The following ADAMTS9 variants were observed in gnomAD, a reference collection of about 807,000 sequenced individuals.
The protein encoded by ADAMTS9 is ADAM metallopeptidase with thrombospondin type 1 motif 9, also known as A disintegrin and metalloproteinase with thrombospondin motifs 9.
Under a neutral mutation model 257.1 loss-of-function variants are expected in ADAMTS9, and 107 were observed. The observed-to-expected ratio is 0.42, with a 90% CI of 0.36 to 0.49. ADAMTS9 has a LOEUF of 0.49. ADAMTS9 is among the 20% of genes least tolerant of loss of function. ADAMTS9 has a pLI of 0.03. For synonymous variants in ADAMTS9, 982 were observed against 880.9 expected, an observed-to-expected ratio of 1.11 and a Z score of -2.03; for missense variants, 2,353 against 2,469.1, an observed-to-expected ratio of 0.95 and a Z score of 1.00.
At chr3:64,517,416 G>GTTTTTGTTTTTTTTTTTTTTTTTT (rs2082789346) in intron 39 of ADAMTS9, among the ~76,000 whole-genome samples, 1 of 52,638 alleles carries the variant, frequency 1.9e-5, no homozygotes, top group Non-Finnish European at 3.8e-5. Context: ...ATTAAAAATG[G>GTTTTTGTTTTTTTTTTTTTTTTTT]TTTTTTTTTT....
Position 64,541,027 on chromosome 3 carries a change from A to G in ADAMTS9, c.5521+68T>C. 3 of 1,593,870 alleles carry G rather than the reference A, an allele frequency of 1.9e-6. No individual in the cohort carries two copies. The Admixed American group carries it at 5.1e-5, about 27-fold the overall frequency. ...CGCACCTCCCTGCTAGCCAATGTGCAAGACATGCTTGCTGTCTGAATGGAG... is the reference window on the plus strand; with the variant it reads ...CGCACCTCCCTGCTAGCCAATGTGCGAGACATGCTTGCTGTCTGAATGGAG... On this transcript the variant is annotated intron_variant, in intron 36 of 39. Coordinates refer to ENST00000498707, the MANE Select transcript of ADAMTS9 (RefSeq NM_182920.2).
intron 3 of ADAMTS9, among the ~76,000 whole-genome samples, chr3:64,665,320 A>G (rs9836710): frequency 0.14 from 20,895 of 152,110 alleles, 1,985 homozygotes; most frequent in African/African-American, 0.27. Flanking sequence ...GAACTCATGC[A>G]ATGAAGGGAG....
At chr3:64,602,470 C>A (rs1365645665) in intron 25 of ADAMTS9, among the ~76,000 whole-genome samples, 2 of 152,172 alleles carry the variant, frequency 1.3e-5, no homozygotes, top group African/African-American at 4.8e-5. Context: ...CAGTGATTTT[C>A]CAACTCATTT....
At chr3:64,598,369 A>G (rs1371573258) in intron 26 of ADAMTS9, among the ~76,000 whole-genome samples, 1 of 150,884 alleles carries the variant, frequency 6.6e-6, no homozygotes, top group Non-Finnish European at 1.5e-5. Context: ...CCAGGCTAGA[A>G]CACAGTGGTG....
intron 28 of ADAMTS9, among the ~76,000 whole-genome samples, chr3:64,574,208 A>G (rs2083770819): frequency 6.6e-6 from 1 of 152,196 alleles, no homozygotes; most frequent in Admixed American, 6.5e-5. Context: ...TTTCAGTTTG[A>G]GCAGAACTCC....
intron 31 of ADAMTS9, among the ~76,000 whole-genome samples, chr3:64,549,463 T>C (rs1473677043): frequency 2.6e-5 from 4 of 152,128 alleles, no homozygotes; most frequent in African/African-American, 4.8e-5. Context: ...TCAAACCCAA[T>C]ATCAAGAACT....
In ADAMTS9 at chr3:64,633,547, C is replaced by G; in HGVS notation, c.2100G>C (p.Gln700His). The change falls in exon 14 of 40, where the codon CAG becomes CAC. Residue 700 changes from glutamine to histidine, a missense_variant. Physicochemically the swap from Gln to His is conservative, Grantham distance 24. This residue lies in a region of ADAMTS9 where 360 missense variants were observed against 458.1 expected (regional missense o/e 0.79). Coordinates refer to ENST00000498707, the MANE Select transcript of ADAMTS9 (RefSeq NM_182920.2). ...CRVAGNTAYY[Q>H]LRDRVIDGTP... Reference sequence around the variant, plus strand: ...TTCCATCTATCACTCTGTCTCGAAGCTGATAGTAGGCTGTGTTCCCTGCCA... The same window carrying G: ...TTCCATCTATCACTCTGTCTCGAAGGTGATAGTAGGCTGTGTTCCCTGCCA... 1 of 1,614,058 alleles carries G rather than the reference C, an allele frequency of 6.2e-7. No individual in the cohort carries two copies. Among genetic ancestry groups the G allele is most frequent in the South Asian group, 1.1e-5 (1 of 91,078 alleles).
At chr3:64,609,603 C>T (rs2084627928) in intron 22 of ADAMTS9, among the ~76,000 whole-genome samples, 1 of 152,000 alleles carries the variant, frequency 6.6e-6, no homozygotes, top group Non-Finnish European at 1.5e-5. Context: ...ACACTAAAAA[C>T]TATAAAACTT....
chr3:64,542,430 C>CTTTTTTTTTT (rs56812239), intron 32 of ADAMTS9, among the ~76,000 whole-genome samples: 5 of 124,532 alleles, frequency 4.0e-5, no homozygotes, highest in East Asian at 2.5e-4. Flanking sequence ...TTCTTTCTTT[C>CTTTTTTTTTT]TTTTTTTTTT....
At chr3:64,623,795 T>C (rs1226379880) in intron 16 of ADAMTS9, among the ~76,000 whole-genome samples, 1 of 152,206 alleles carries the variant, frequency 6.6e-6, no homozygotes, top group Non-Finnish European at 1.5e-5. Flanking sequence ...GTTGGGATCA[T>C]TTTATTCACT....
rs143179995 is a variant in ADAMTS9 at position 64,673,770 on chromosome 3, A to G, written c.679+7431T>C. On this transcript the variant is annotated intron_variant, in intron 3 of 39. Transcript: ENST00000498707. The stretch of plus-strand genomic sequence containing the variant: ...AGGAAAAGATCCCCACTTTTCAAAG[A>G]TTTATCATGAAATATTTAGAGATGG... 1.9e-3 allele frequency among the ~76,000 whole-genome samples: 286 copies of G among 152,196 alleles called. 1 individual carries two copies. Among genetic ancestry groups the G allele is most frequent in the Non-Finnish European group, 3.7e-3 (249 of 68,006 alleles).
At position 64,686,052 on chromosome 3, in the gene ADAMTS9, G is replaced by A. The variant is rs1414327305; in HGVS notation, c.516+516C>T. ...TCAGGGTTCCTGGCGCGTGAATAAA[G>A]GCCCTGAGAGAAAGCGGGGACTCTA... On this transcript the variant is annotated intron_variant, in intron 2 of 39. Coordinates refer to ENST00000498707, the MANE Select transcript of ADAMTS9 (RefSeq NM_182920.2). This position sits in a 1 kb window ranked among gnomAD's most constrained non-coding sequence, Gnocchi z 4.6. Among the ~76,000 whole-genome samples, 1 of 152,172 alleles carries A rather than the reference G, an allele frequency of 6.6e-6. No homozygotes were observed. Among genetic ancestry groups the A allele is most frequent in the Non-Finnish European group, 1.5e-5 (1 of 68,034 alleles).
At chr3:64,636,977 C>T (rs1700515444) in intron 12 of ADAMTS9, among the ~76,000 whole-genome samples, 1 of 152,196 alleles carries the variant, frequency 6.6e-6, no homozygotes, top group South Asian at 2.1e-4. Flanking sequence ...CTCTCCCTGA[C>T]CAGAAGCTCA....
At position 64,533,384 on chromosome 3, in the gene ADAMTS9, T is replaced by C. The variant is rs539888460; in HGVS notation, c.5614-114A>G. ...TGGAAAAGAGAAGGATGTTGATTAA[T>C]TGTGATAGCTACTAATTATTGATAG... On this transcript the variant is annotated intron_variant, in intron 37 of 39. Coordinates refer to ENST00000498707, the MANE Select transcript of ADAMTS9 (RefSeq NM_182920.2). The C allele has an allele frequency of 2.7e-5, 21 of 775,586 alleles. No homozygotes were observed. In the African/African-American group the frequency reaches 3.3e-4, roughly 12 times the overall value. 48.0% of individuals were successfully genotyped at this position (775,586 alleles called of 1,614,324 possible).
At chr3:64,566,931 G>C (rs896093018) in intron 29 of ADAMTS9, among the ~76,000 whole-genome samples, 1 of 152,104 alleles carries the variant, frequency 6.6e-6, no homozygotes, top group African/African-American at 2.4e-5. Flanking sequence ...AGGATGACTG[G>C]TATGAAATAT....
At chr3:64,557,493 C>T (rs1027641947) in intron 30 of ADAMTS9, among the ~76,000 whole-genome samples, 1 of 152,100 alleles carries the variant, frequency 6.6e-6, no homozygotes, top group African/African-American at 2.4e-5. Context: ...GTAAAACTGA[C>T]CACTGCGAGG....
At position 64,570,378 on chromosome 3, in the gene ADAMTS9, C is replaced by T. The variant is rs761782230; in HGVS notation, c.4357-1843G>A. Among the ~76,000 whole-genome samples, 4 of 152,136 alleles carry T rather than the reference C, an allele frequency of 2.6e-5. No individual in the cohort carries two copies. In the East Asian group the frequency reaches 5.8e-4, roughly 22 times the overall value. On this transcript the variant is annotated intron_variant, in intron 28 of 39. Transcript: ENST00000498707. ...GGAAGAGGGCTCACTGAGGTACTTC[C>T]TGGGGTCAGGCAGCAAAGCTATGAG...
intron 28 of ADAMTS9, among the ~76,000 whole-genome samples, chr3:64,572,912 T>G (rs9311898): frequency 0.39 from 58,709 of 151,524 alleles, 12,055 homozygotes; most frequent in Admixed American, 0.5. Context: ...ACCCCATCTC[T>G]ACTAAAAATA....
At chr3:64,630,196 C>T (rs1266805867) in intron 16 of ADAMTS9, among the ~76,000 whole-genome samples, 2 of 152,164 alleles carry the variant, frequency 1.3e-5, no homozygotes, top group African/African-American at 2.4e-5. Flanking sequence ...CTCTACTCTC[C>T]ATGTCCTCTT....
Sources: gnomAD v4.1 joint callset for allele counts (sites outside exome capture counted in the v4.1 genomes callset) on GRCh38, gnomAD v4.1.1 for gene constraint, gnomAD v4.1.1 regional missense constraint, Gnocchi (gnomAD v3.1) non-coding constraint, MANE v1.5 for transcripts, NCBI Gene and HGNC (gene_info 2026-07-23, HGNC 2026-07-21) for gene names.